Variants in ANKRD50 observed in about 807,000 individuals in gnomAD.
The protein encoded by ANKRD50 is ankyrin repeat domain-containing protein 50.
A neutral mutation model predicts 112.0 loss-of-function variants in ANKRD50; 40 were observed. That is an observed-to-expected ratio of 0.36 (90% CI 0.28 to 0.46). The LOEUF (loss-of-function observed/expected upper bound fraction) is 0.46, where lower values mean the gene tolerates loss of function less well. Among genes scored for constraint, ANKRD50 ranks in the 20% least tolerant of loss-of-function variants. The pLI is 1.00. For missense variants in ANKRD50, 1,487 were observed against 1,701.7 expected (o/e 0.87, Z 2.22); for synonymous variants, 613 against 619.1 (o/e 0.99, Z 0.15).
intron 2 of ANKRD50, among the ~76,000 whole-genome samples, chr4:124,700,940 C>A (rs1438919313): frequency 6.6e-6 from 1 of 152,144 alleles, no homozygotes; most frequent in Non-Finnish European, 1.5e-5. Context: ...ATGGCTGAGC[C>A]AGAATTAAAA....
At position 124,710,019 on chromosome 4, in the gene ANKRD50, G is replaced by T. The variant is rs1337294546; in HGVS notation, c.493C>A (p.Pro165Thr). 1 of 1,610,650 alleles carries T rather than the reference G, an allele frequency of 6.2e-7. No individual in the cohort carries two copies. The highest frequency in any genetic ancestry group is 1.7e-5 in the Admixed American group (1 of 59,774). Residue 165 changes from proline (P) to threonine (T), a missense_variant, in exon 2 of 5, where the codon CCA (proline) becomes ACA (threonine). Physicochemically the swap from Pro to Thr is conservative, Grantham distance 38 (BLOSUM62 -1). Around this residue, in one of 2 missense-constraint regions of ANKRD50, gnomAD observed 1,046 missense variants for 1,269.5 expected, o/e 0.82. Coordinates refer to ENST00000504087, the MANE Select transcript of ANKRD50 (RefSeq NM_020337.3). The part of the protein sequence containing the change: ...LLQPGECERN[P>T]AEAFKRCVLL... The stretch of plus-strand genomic sequence containing the variant: ...TGTTACCTTTTAAATGCTTCGGCTG[G>T]GTTTCTCTCGCACTCCCCAGGCTGT...
rs541065407 is a variant in ANKRD50 at position 124,664,953 on chromosome 4, T to A, written c.*2565A>T. 2.0e-5 allele frequency: 3 copies of A among 152,038 alleles called. No homozygotes were observed. The South Asian group carries it at 6.2e-4, about 31-fold the overall frequency. The allele number at this position is 152,038 out of a possible 1,614,324, so 9.4% of individuals were successfully genotyped here. On this transcript the variant is annotated 3_prime_UTR_variant, in exon 5 of 5. Coordinates refer to ENST00000504087, the MANE Select transcript of ANKRD50 (RefSeq NM_020337.3). The stretch of plus-strand genomic sequence containing the variant: ...TTATAAACTCATGATATTTAGGGAA[T>A]AGACACAGACGGAATGTTATAAAAA...
At chr4:124,673,587 G>A (rs982295217) in intron 3 of ANKRD50, among the ~76,000 whole-genome samples, 2 of 152,044 alleles carry the variant, frequency 1.3e-5, no homozygotes, top group Non-Finnish European at 2.9e-5. Flanking sequence ...ATAAGAGCTA[G>A]ATTATACAGT....
chr4:124,692,597 T>C (rs558676309), intron 2 of ANKRD50, among the ~76,000 whole-genome samples: 2 of 152,272 alleles, frequency 1.3e-5, no homozygotes, highest in Admixed American at 1.3e-4. Flanking sequence ...AGGAGGCAAC[T>C]AAGTCATGAG....
In ANKRD50 at chr4:124,671,165, A is replaced by G; in HGVS notation, c.2112T>C (p.Asn704=). Residue 704 remains asparagine, a synonymous_variant, in exon 4 of 5, where the codon AAT becomes AAC. Coordinates refer to ENST00000504087, the MANE Select transcript of ANKRD50 (RefSeq NM_020337.3). ...CAGTCCTGCCATCAACATCCTCATG[A>G]TTTACTTCTGCTCCATGGTCCAGTA... ...EHLLDHGAEV[N]HEDVDGRTAL... 6.2e-7 allele frequency: 1 copy of G among 1,613,848 alleles called. No homozygotes were observed. The highest frequency in any genetic ancestry group is 8.5e-7 in the Non-Finnish European group (1 of 1,179,866).
intron 1 of ANKRD50, among the ~76,000 whole-genome samples, chr4:124,711,986 C>A (rs537256382): frequency 6.6e-6 from 1 of 152,192 alleles, no homozygotes; most frequent in Non-Finnish European, 1.5e-5. Flanking sequence ...CCCACAGGTC[C>A]GGCCTCCAGT....
At position 124,672,316 on chromosome 4, in the gene ANKRD50, T is replaced by C; in HGVS notation, c.961A>G (p.Arg321Gly). Reference sequence around the variant, plus strand: ...GTTCCTGGGATGTCACGAATTTCTCTTAACATAATAAAATTTTCTACAACT... The same window carrying C: ...GTTCCTGGGATGTCACGAATTTCTCCTAACATAATAAAATTTTCTACAACT... ...DGVVENFIML[R>G]EIRDIPGTLN... is the part of the protein sequence containing the mutation. The change falls in exon 4 of 5, where the codon AGA (arginine) becomes GGA (glycine). Residue 321 changes from arginine (R) to glycine (G), a missense_variant. Transcript: ENST00000504087. The C allele has an allele frequency of 6.2e-7, 1 of 1,613,458 alleles. No individual in the cohort carries two copies. Among genetic ancestry groups the C allele is most frequent in the Non-Finnish European group, 8.5e-7 (1 of 1,179,746 alleles).
At chr4:124,688,871 C>T (rs1725067615) in intron 2 of ANKRD50, among the ~76,000 whole-genome samples, 1 of 152,176 alleles carries the variant, frequency 6.6e-6, no homozygotes, top group South Asian at 2.1e-4. Context: ...GTTCTTTAAA[C>T]AGATCCTCCC....
chr4:124,696,167 T>C (rs1725247915), intron 2 of ANKRD50, among the ~76,000 whole-genome samples: 1 of 152,002 alleles, frequency 6.6e-6, no homozygotes, highest in Non-Finnish European at 1.5e-5. Flanking sequence ...GAATTATAAT[T>C]TTAAAATGTA....
At chr4:124,692,601 T>G (rs1578586813) in intron 2 of ANKRD50, among the ~76,000 whole-genome samples, 1 of 152,142 alleles carries the variant, frequency 6.6e-6, no homozygotes, top group East Asian at 1.9e-4. Context: ...GGCAACTAAG[T>G]CATGAGGGCA....
At chr4:124,709,900 C>T (rs1434466864) in intron 2 of ANKRD50, 100 bp downstream of exon 2, 1 of 1,460,538 alleles carries the variant, frequency 6.8e-7, no homozygotes, top group Non-Finnish European at 9.1e-7. Context: ...ATGTACAGCA[C>T]CAGTAAAAGT....
rs1196063457 is a variant in ANKRD50 at position 124,678,741 on chromosome 4, G to A, written c.677C>T (p.Pro226Leu). The part of the protein sequence containing the change: ...ALLAGHHEFF[P>L]PWLLLLCSAR... ...AGAACAGAGAAGCAATAGCCATGGT[G>A]GAAAGAACTCATGGTGACCAGCTAA... is the stretch of plus-strand genomic sequence containing the variant. The change falls in exon 3 of 5, where the codon CCA becomes CTA. Residue 226 changes from proline to leucine, a missense_variant. By Grantham distance (98) the Pro-to-Leu change is moderately conservative. This residue lies in a region of ANKRD50 where 1,046 missense variants were observed against 1,269.5 expected (regional missense o/e 0.82). Transcript: ENST00000504087. The A allele has an allele frequency of 6.2e-7, 1 of 1,613,872 alleles. No individual in the cohort carries two copies. The highest frequency in any genetic ancestry group is 8.5e-7 in the Non-Finnish European group (1 of 1,179,794).
chr4:124,670,858 C>T lies in ANKRD50; in HGVS notation c.2419G>A (p.Val807Met). 6.2e-7 allele frequency: 1 copy of T among 1,613,894 alleles called. No individual in the cohort carries two copies. The highest frequency in any genetic ancestry group is 8.5e-7 in the Non-Finnish European group (1 of 1,179,876). ...VNTLLFWGAA[V>M]DSIDSEGRTV... Reference sequence around the variant, plus strand: ...CTACCTTCACTATCAATACTATCCACAGCTGCACCCCAAAACAAAAGTGTA... The same window carrying T: ...CTACCTTCACTATCAATACTATCCATAGCTGCACCCCAAAACAAAAGTGTA... Residue 807 changes from valine to methionine, a missense_variant, in exon 4 of 5, where the codon GTG (valine) becomes ATG (methionine). Around this residue, in one of 2 missense-constraint regions of ANKRD50, gnomAD observed 1,046 missense variants for 1,269.5 expected, o/e 0.82. Coordinates refer to ENST00000504087, the MANE Select transcript of ANKRD50 (RefSeq NM_020337.3).
At chr4:124,701,129 A>C (rs1578592396) in intron 2 of ANKRD50, among the ~76,000 whole-genome samples, 1 of 152,210 alleles carries the variant, frequency 6.6e-6, no homozygotes, top group South Asian at 2.1e-4. Context: ...ATGCTCGACT[A>C]ATTTTATACT....
rs1253146790 is a variant in ANKRD50 at position 124,669,556 on chromosome 4, A to T, written c.3721T>A (p.Ser1241Thr). Reference sequence around the variant, plus strand: ...GGTGAATTATGACTCTGTCCTAAGGACTGTGTTGTGGAAGATGGGGAAACA... The same window carrying T: ...GGTGAATTATGACTCTGTCCTAAGGTCTGTGTTGTGGAAGATGGGGAAACA... ...SIVSPSSTTQ[S>T]LGQSHNSPSS... Residue 1241 changes from serine (S) to threonine (T), a missense_variant, in exon 4 of 5, where the codon TCC becomes ACC. Ser to Thr is a moderately conservative substitution (Grantham distance 58). Coordinates refer to ENST00000504087, the MANE Select transcript of ANKRD50 (RefSeq NM_020337.3). 1.2e-6 allele frequency: 2 copies of T among 1,613,266 alleles called. No individual in the cohort carries two copies. The highest frequency in any genetic ancestry group is 3.3e-5 in the Admixed American group (2 of 59,968).
At chr4:124,711,691 C>A (rs1469015728) in intron 1 of ANKRD50, among the ~76,000 whole-genome samples, 1 of 151,052 alleles carries the variant, frequency 6.6e-6, no homozygotes, top group African/African-American at 2.4e-5. Flanking sequence ...TCCAGCCACA[C>A]TTCTTTGTTG....
chr4:124,679,842 C>T (rs990510422), intron 2 of ANKRD50, among the ~76,000 whole-genome samples: 1 of 152,162 alleles, frequency 6.6e-6, no homozygotes, highest in Non-Finnish European at 1.5e-5. Flanking sequence ...CTCAATTCTT[C>T]GTCTCTTTTA....
In ANKRD50 at chr4:124,672,085, C is replaced by G. The variant is rs543391029; in HGVS notation, c.1192G>C (p.Asp398His). ...KLDILSKLLV[D>H]GLGNTKILFH... ...AGTATTTTTGTATTTCCTAGTCCAT[C>G]AACAAGAAGTTTGGAGAGGATATCT... The change falls in exon 4 of 5, where the codon GAT (aspartate) becomes CAT (histidine). Residue 398 changes from aspartate to histidine, a missense_variant. Transcript: ENST00000504087. 6.8e-6 allele frequency: 11 copies of G among 1,613,772 alleles called. No individual in the cohort carries two copies. The highest frequency in any genetic ancestry group is 9.3e-6 in the Non-Finnish European group (11 of 1,179,874).
chr4:124,671,162 A>G lies in ANKRD50; in HGVS notation c.2115T>C (p.His705=), dbSNP rs1196122377. The G allele has an allele frequency of 9.3e-6, 15 of 1,613,722 alleles. No individual in the cohort carries two copies. Among genetic ancestry groups the G allele is most frequent in the Non-Finnish European group, 1.0e-5 (12 of 1,179,848 alleles). ...HLLDHGAEVN[H]EDVDGRTALS... ...GTGCAGTCCTGCCATCAACATCCTC[A>G]TGATTTACTTCTGCTCCATGGTCCA... Residue 705 remains histidine, a synonymous_variant, in exon 4 of 5, where the codon CAT becomes CAC. Transcript: ENST00000504087.
Sources: allele counts gnomAD v4.1 joint callset (sites outside exome capture counted in the v4.1 genomes callset), GRCh38; gene constraint gnomAD v4.1.1; regional missense constraint gnomAD v4.1.1; transcripts MANE v1.5; gene names NCBI Gene and HGNC (gene_info 2026-07-23, HGNC 2026-07-21).